The following RUNX3 variants were observed in gnomAD, a reference collection of about 807,000 sequenced individuals.
The protein encoded by RUNX3 is RUNX family transcription factor 3.
RUNX3 carries 10 observed loss-of-function variants against 27.7 expected under a neutral mutation model. The observed-to-expected ratio is 0.36, with a 90% confidence interval of 0.22 to 0.61. The LOEUF is 0.61. Ranked by LOEUF, RUNX3 falls within the 20% of genes least tolerant of loss-of-function variation. The probability of loss-of-function intolerance (pLI) is 0.72; values close to 1 mark genes in which losing one functional copy is unlikely to be tolerated. For missense variants in RUNX3, 469 were observed against 629.5 expected, an observed-to-expected ratio of 0.75 and a Z score of 2.73; for synonymous variants, 270 against 269.2, an observed-to-expected ratio of 1.00 and a Z score of -0.03.
intron 2 of RUNX3, among the ~76,000 whole-genome samples, chr1:24,949,079 G>A (rs980263868): frequency 1.3e-5 from 2 of 151,988 alleles, no homozygotes; most frequent in African/African-American, 4.8e-5. Context: ...GTCTTTGAGG[G>A]GATGGGGGTC....
intron 3 of RUNX3, among the ~76,000 whole-genome samples, chr1:24,908,152 C>CCTCTACGACACGCGGTGATCCGAAG (rs1445471091): frequency 7.3e-6 from 1 of 136,294 alleles, no homozygotes; most frequent in Non-Finnish European, 1.5e-5. Flanking sequence ...GTGATCCGAA[C>CCTCTACGACACGCGGTGATCCGAAG]CTCTACGACA....
chr1:24,919,201 TC>T (rs1403103809), intron 3 of RUNX3, 38 bp downstream of exon 3: 9 of 1,309,386 alleles, frequency 6.9e-6, no homozygotes, highest in Non-Finnish European at 9.7e-6. Context: ...TGGACCCTCC[TC>T]CCCCGCGCAG....
intron 4 of RUNX3, among the ~76,000 whole-genome samples, chr1:24,903,064 G>A (rs1417959834): frequency 6.6e-6 from 1 of 152,202 alleles, no homozygotes; most frequent in African/African-American, 2.4e-5. Flanking sequence ...CTCCCCACCG[G>A]CCCATGTTAA....
intron 2 of RUNX3, among the ~76,000 whole-genome samples, chr1:24,935,702 GTTA>G (rs1641333276): frequency 6.6e-6 from 1 of 152,238 alleles, no homozygotes; most frequent in South Asian, 2.1e-4. Flanking sequence ...CTGGAAGACA[GTTA>G]TCTGGTCTGT....
chr1:24,920,458 A>G (rs1640977291), intron 2 of RUNX3, among the ~76,000 whole-genome samples: 1 of 152,162 alleles, frequency 6.6e-6, no homozygotes, highest in Non-Finnish European at 1.5e-5. Context: ...GTGTCTATCA[A>G]GATGGAAGAT....
At chr1:24,922,111 C>T (rs79275968) in intron 2 of RUNX3, among the ~76,000 whole-genome samples, 7,516 of 151,932 alleles carry the variant, frequency 0.049, 559 homozygotes, top group African/African-American at 0.16. Context: ...CCACCATGCC[C>T]GGCTATTTCT....
At chr1:24,906,476 A>G (rs1640666463) in intron 4 of RUNX3, among the ~76,000 whole-genome samples, 1 of 152,252 alleles carries the variant, frequency 6.6e-6, no homozygotes, top group African/African-American at 2.4e-5. Context: ...CCGGCTGTGC[A>G]CACAGCCTCC....
At position 24,927,122 on chromosome 1, in the gene RUNX3, G is replaced by A. The variant is rs796908251; in HGVS notation, c.439+452C>T. ...CTGGGTCTGGGAGACCACAGCTGGA[G>A]AGACAGCCTCAGAGTGTGGGGGATA... On this transcript the variant is annotated intron_variant, in intron 2 of 4. Coordinates refer to ENST00000308873, the MANE Select transcript of RUNX3 (RefSeq NM_004350.3). The surrounding 1 kb of genome is among the most constrained non-coding windows in gnomAD (Gnocchi z 5.0). Among the ~76,000 whole-genome samples, 25 of 152,350 alleles carry A rather than the reference G, an allele frequency of 1.6e-4. No homozygotes were observed. Among genetic ancestry groups the A allele is most frequent in the African/African-American group, 6.0e-4 (25 of 41,576 alleles).
chr1:24,909,786 G>A (rs779750995), intron 3 of RUNX3, among the ~76,000 whole-genome samples: 119 of 152,242 alleles, frequency 7.8e-4, no homozygotes, highest in Admixed American at 3.4e-3. Flanking sequence ...TCCCTTGGAG[G>A]ACTGTGCACT....
chr1:24,933,745 A>G (rs1420110947), upstream of RUNX3, among the ~76,000 whole-genome samples: 1 of 152,244 alleles, frequency 6.6e-6, no homozygotes, highest in Admixed American at 6.5e-5. Context: ...TCCTGTGGGC[A>G]GACCCTTTCC....
chr1:24,930,277 G>A (rs978297383), upstream of RUNX3: 1 of 982,178 alleles, frequency 1.0e-6, no homozygotes, highest in Non-Finnish European at 1.2e-6. This position sits in a 1 kb window ranked among gnomAD's most constrained non-coding sequence, Gnocchi z 4.1. Context: ...ATCAAGTGGC[G>A]GGGCCGCGGC....
At chr1:24,908,009 AACACGCGGTGATCCGAACCTCAACC>A (rs1477640033) in intron 3 of RUNX3, among the ~76,000 whole-genome samples, 5 of 138,872 alleles carry the variant, frequency 3.6e-5, no homozygotes, top group South Asian at 2.3e-4. Flanking sequence ...AAACCTCTAC[AACACGCGGTGATCCGAACCTCAACC>A]ACACGCGGTG....
chr1:24,935,375 C>T (rs761015673), intron 2 of RUNX3, among the ~76,000 whole-genome samples: 5 of 152,174 alleles, frequency 3.3e-5, no homozygotes, highest in Non-Finnish European at 7.4e-5. Context: ...GAGGCCCCTC[C>T]TCCCCACCCA....
chr1:24,959,166 C>A (rs758992411), intron 2 of RUNX3, among the ~76,000 whole-genome samples: 25 of 152,374 alleles, frequency 1.6e-4, no homozygotes, highest in South Asian at 6.2e-4. Context: ...CGCTTTGATG[C>A]GGCCACCTCC....
chr1:24,923,125 C>T lies in RUNX3; in HGVS notation c.440-3781G>A, dbSNP rs773267122. Among the ~76,000 whole-genome samples, 1 of 152,166 alleles carries T rather than the reference C, an allele frequency of 6.6e-6. No homozygotes were observed. The highest frequency in any genetic ancestry group is 2.4e-5 in the African/African-American group (1 of 41,420). On this transcript the variant is annotated intron_variant, in intron 2 of 4. Transcript: ENST00000308873. This position sits in a 1 kb window ranked among gnomAD's most constrained non-coding sequence, Gnocchi z 5.9. ...CTCCTGAGAAGTGAGAAGCCCCCAC[C>T]CATACCAGGTAGCAAACCACATGCC...
At chr1:24,959,911 C>T (rs761677899) in intron 2 of RUNX3, among the ~76,000 whole-genome samples, 3 of 152,242 alleles carry the variant, frequency 2.0e-5, no homozygotes, top group Admixed American at 6.5e-5. Flanking sequence ...CTGTGGCTCC[C>T]GAGCCAGCTC....
At position 24,919,499 on chromosome 1, in the gene RUNX3, A is replaced by C. The variant is rs967047414; in HGVS notation, c.440-155T>G. ...GGGCAGAAGATAGGGCTCTGGGTGA[A>C]GTTCAAGCTCTTGGGCTTGGCATTC... On this transcript the variant is annotated intron_variant, in intron 2 of 4. Coordinates refer to ENST00000308873, the MANE Select transcript of RUNX3 (RefSeq NM_004350.3). 62 of 538,028 alleles carry C rather than the reference A, an allele frequency of 1.2e-4. No individual in the cohort carries two copies. The Admixed American group carries it at 1.6e-3, about 14-fold the overall frequency. 33.3% of individuals were successfully genotyped at this position (538,028 alleles called of 1,614,324 possible). A position where few individuals can be genotyped will look rare whatever the true frequency, so the allele number is the denominator to read the frequency against.
chr1:24,922,541 TCTA>T (rs1641019455), intron 2 of RUNX3, among the ~76,000 whole-genome samples: 3 of 152,188 alleles, frequency 2.0e-5, no homozygotes, highest in Non-Finnish European at 2.9e-5. Context: ...TGCAGATTGC[TCTA>T]AATATCTTTT....
chr1:24,943,482 G>A lies in RUNX3; in HGVS notation c.59-13630C>T, dbSNP rs770055103. ...GCTCCATCCTAAGAGGGGGTTCTGT[G>A]ATCATCCCCACTTACAGTTGGGGAA... is the stretch of plus-strand genomic sequence containing the variant. On this transcript the variant is annotated intron_variant, in intron 2 of 6. Transcript: ENST00000338888. The surrounding 1 kb of genome is among the most constrained non-coding windows in gnomAD (Gnocchi z 4.6). 1.3e-5 allele frequency among the ~76,000 whole-genome samples: 2 copies of A among 152,190 alleles called. No homozygotes were observed. Among genetic ancestry groups the A allele is most frequent in the Non-Finnish European group, 2.9e-5 (2 of 68,024 alleles).
Sources: gnomAD v4.1 joint callset for allele counts (sites outside exome capture counted in the v4.1 genomes callset) on GRCh38, gnomAD v4.1.1 for gene constraint, Gnocchi (gnomAD v3.1) non-coding constraint, MANE v1.5 for transcripts, NCBI Gene and HGNC (gene_info 2026-07-23, HGNC 2026-07-21) for gene names.